KIF15: variants seen among roughly 807,000 people sequenced by gnomAD.
The protein encoded by KIF15 is kinesin-like protein KIF15.
A neutral mutation model predicts 190.6 loss-of-function variants in KIF15; 140 were observed. That is an observed-to-expected ratio of 0.73 (90% CI 0.64 to 0.84). The LOEUF is 0.84. Ranked by LOEUF, KIF15 falls within the 40% of genes least tolerant of loss-of-function variation. The pLI is 0.00. For missense variants in KIF15, 1,372 were observed against 1,584.4 expected (o/e 0.87, Z 2.28); for synonymous variants, 528 against 551.3 (o/e 0.96, Z 0.59).
At chr3:44,768,436 GA>G (rs1705502418) in intron 1 of KIF15, among the ~76,000 whole-genome samples, 1 of 152,076 alleles carries the variant, frequency 6.6e-6, no homozygotes, top group Non-Finnish European at 1.5e-5. Flanking sequence ...AGCTCTCAGT[GA>G]AAAAAAGTGT....
rs115584440 is a variant in KIF15, at chr3:44,783,074, G to T, written c.362-1771G>T. ...GGAATAAAGACGATTAGGGGATAGA[G>T]CGGGATTAGGAGATACTGCAGTGGG... On this transcript the variant is annotated intron_variant, in intron 5 of 34. Coordinates refer to ENST00000326047, the MANE Select transcript of KIF15 (RefSeq NM_020242.3). 7.0e-3 allele frequency among the ~76,000 whole-genome samples: 1,070 copies of T among 152,334 alleles called. 3 individuals are homozygous for T. Among genetic ancestry groups the T allele is most frequent in the Middle Eastern group, 0.017 (5 of 294 alleles).
chr3:44,788,440 CTTTTTTCT>C (rs1253951295), intron 7 of KIF15, among the ~76,000 whole-genome samples: 1 of 151,494 alleles, frequency 6.6e-6, no homozygotes, highest in African/African-American at 2.4e-5. Context: ...TGTCCTATTC[CTTTTTTCT>C]TTTTTTCTTT....
intron 11 of KIF15, 137 bp downstream of exon 11, chr3:44,800,574 T>C (rs1431687137): frequency 5.1e-6 from 4 of 786,346 alleles, no homozygotes; most frequent in Non-Finnish European, 8.2e-6. Flanking sequence ...TTCTCCTATA[T>C]AGGAACATAG....
chr3:44,790,533 A>G (rs893954211), intron 7 of KIF15, among the ~76,000 whole-genome samples: 1 of 151,984 alleles, frequency 6.6e-6, no homozygotes, highest in Admixed American at 6.6e-5. Flanking sequence ...GAATTAGTAT[A>G]TATCTTCCTT....
At chr3:44,849,608 T>A (rs1698989514) in intron 32 of KIF15, among the ~76,000 whole-genome samples, 1 of 152,160 alleles carries the variant, frequency 6.6e-6, no homozygotes, top group African/African-American at 2.4e-5. Flanking sequence ...ACATTTTTCC[T>A]TTTTCCTTTG....
At chr3:44,803,048 A>AT (rs1467948731) in intron 14 of KIF15, 57 bp downstream of exon 14, 12 of 1,479,682 alleles carry the variant, frequency 8.1e-6, no homozygotes, top group Non-Finnish European at 1.1e-5. Flanking sequence ...TTTAAAGAGC[A>AT]TTTTTAGTGC....
rs112596338 is a variant in KIF15 at position 44,770,056 on chromosome 3, T to C, written c.20-4339T>C. ...CCATCCCCCTTTGTTCCTTCTGGGC[T>C]GTAGTTGGAGATCTCTGGTTGGATC... On this transcript the variant is annotated intron_variant, in intron 1 of 34. Coordinates refer to ENST00000326047, the MANE Select transcript of KIF15 (RefSeq NM_020242.3). Among the ~76,000 whole-genome samples the C allele has an allele frequency of 5.3e-5, 8 of 152,350 alleles. 1 individual carries two copies. The highest frequency in any genetic ancestry group is 1.9e-4 in the African/African-American group (8 of 41,588).
Position 44,803,005 on chromosome 3 carries a change from G to A in KIF15, c.1687+14G>A, listed in dbSNP as rs993277370. On this transcript the variant is annotated intron_variant, in intron 14 of 34. Coordinates refer to ENST00000326047, the MANE Select transcript of KIF15 (RefSeq NM_020242.3). ...AAAGTGACAAAAGTAAGAAATGATT[G>A]TTGTATATACGTGCCATGTAGGAAG... 4 of 1,585,900 alleles carry A rather than the reference G, an allele frequency of 2.5e-6. No homozygotes were observed. In the African/African-American group the frequency reaches 5.5e-5, roughly 22 times the overall value.
chr3:44,801,329 G>A, intron 11 of KIF15, 121 bp from the exon 12 acceptor site: 1 of 585,186 alleles, frequency 1.7e-6, no homozygotes, highest in Non-Finnish European at 3.1e-6. Flanking sequence ...ACTGTGCCCG[G>A]CCACAGTCTC....
intron 5 of KIF15, among the ~76,000 whole-genome samples, chr3:44,782,574 A>G (rs1031074873): frequency 1.3e-5 from 2 of 152,228 alleles, no homozygotes; most frequent in Non-Finnish European, 2.9e-5. Flanking sequence ...ATACACAATT[A>G]AAAGCAAATA....
At chr3:44,821,141 C>A (rs1487124616) in intron 20 of KIF15, among the ~76,000 whole-genome samples, 1 of 146,182 alleles carries the variant, frequency 6.8e-6, no homozygotes, top group Non-Finnish European at 1.5e-5. Flanking sequence ...GACCCCCCCA[C>A]CTCCCTCCCG....
At chr3:44,857,550 G>C, downstream of KIF15, among the ~76,000 whole-genome samples, 1 of 152,232 alleles carries the variant, frequency 6.6e-6, no homozygotes, top group East Asian at 1.9e-4. Flanking sequence ...CAGAGAGCTA[G>C]TGCAGGAGCA....
chr3:44,862,690 TA>T (rs1449971722), intron 6 of KIF15: 3 of 152,044 alleles, frequency 2.0e-5, no homozygotes, highest in Non-Finnish European at 4.4e-5. Flanking sequence ...TGAGAACTCC[TA>T]AACTTGCATC....
chr3:44,841,891 C>G (rs1448763260), intron 29 of KIF15, among the ~76,000 whole-genome samples: 1 of 152,186 alleles, frequency 6.6e-6, no homozygotes, highest in Non-Finnish European at 1.5e-5. Context: ...ATAACCACAT[C>G]GCTAAGCATT....
chr3:44,789,428 TA>T (rs1214492588), intron 7 of KIF15, among the ~76,000 whole-genome samples: 13 of 151,878 alleles, frequency 8.6e-5, no homozygotes, highest in Admixed American at 7.9e-4. Flanking sequence ...ATGTGACATC[TA>T]GTCTTTGAGT....
Position 44,826,155 on chromosome 3 carries a change from A to G in KIF15, c.2666A>G (p.Lys889Arg), listed in dbSNP as rs1412101278. The change falls in exon 21 of 35, where the codon AAA becomes AGA. Residue 889 changes from lysine (K) to arginine (R), a missense_variant. Physicochemically the swap from Lys to Arg is conservative, Grantham distance 26. Transcript: ENST00000326047. ...DQLSRNLQNFKKENETLKSDL... is the reference protein window; with the variant it reads ...DQLSRNLQNFRKENETLKSDL... ...CTTTCAAGAAACCTCCAAAACTTCA[A>G]AAAAGAAAATGAAACTCTGAAATCT... 10 of 1,577,348 alleles carry G rather than the reference A, an allele frequency of 6.3e-6. No individual in the cohort carries two copies. In the East Asian group the frequency reaches 1.1e-4, roughly 18 times the overall value.
chr3:44,862,156 G>C (rs1699262712), intron 6 of KIF15: 1 of 1,133,554 alleles, frequency 8.8e-7, no homozygotes, highest in Non-Finnish European at 1.1e-6. Flanking sequence ...GCTGCGGGCG[G>C]GCGGGCGGGG....
chr3:44,793,159 C>A (rs1706799270), intron 7 of KIF15, among the ~76,000 whole-genome samples: 1 of 152,106 alleles, frequency 6.6e-6, no homozygotes, highest in African/African-American at 2.4e-5. Flanking sequence ...TACCCATATT[C>A]CCATTTTACA....
chr3:44,776,587 A>G (rs1209838210), intron 3 of KIF15, among the ~76,000 whole-genome samples: 5 of 152,210 alleles, frequency 3.3e-5, no homozygotes. Context: ...AGGTTAGTGA[A>G]GATGCACTTT....
Sources: gnomAD v4.1 joint callset for allele counts (sites outside exome capture counted in the v4.1 genomes callset) on GRCh38, gnomAD v4.1.1 for gene constraint, MANE v1.5 for transcripts, NCBI Gene and HGNC (gene_info 2026-07-23, HGNC 2026-07-21) for gene names.